Variants in NPAS3 observed in about 807,000 individuals in gnomAD.
NPAS3 encodes neuronal PAS domain protein 3.
NPAS3 carries 14 observed loss-of-function variants against 73.1 expected under a neutral mutation model. The ratio of observed to expected loss-of-function variants is 0.19; its 90% CI spans 0.13 to 0.30. The LOEUF is 0.30. Among genes scored for constraint, NPAS3 ranks in the 10% least tolerant of loss-of-function variants. The pLI is 1.00. For missense variants in NPAS3, 1,096 were observed against 1,250.0 expected, an observed-to-expected ratio of 0.88 and a Z score of 1.86; for synonymous variants, 620 against 541.5, an observed-to-expected ratio of 1.14 and a Z score of -2.01.
At chr14:33,466,272 A>G (rs905850752) in intron 4 of NPAS3, among the ~76,000 whole-genome samples, 2 of 152,220 alleles carry the variant, frequency 1.3e-5, no homozygotes, top group African/African-American at 4.8e-5. Flanking sequence ...ATTCTGCTGG[A>G]GACCCCTGTC....
At chr14:33,326,967 A>C (rs370290353) in intron 3 of NPAS3, among the ~76,000 whole-genome samples, 21 of 152,324 alleles carry the variant, frequency 1.4e-4, no homozygotes, top group African/African-American at 5.1e-4. Context: ...AAATGCCTGC[A>C]TTTCTGTAAT....
At position 33,594,471 on chromosome 14, in the gene NPAS3, A is replaced by G. The variant is rs553298985; in HGVS notation, c.558+34261A>G. 1.1e-4 allele frequency among the ~76,000 whole-genome samples: 16 copies of G among 152,198 alleles called. 1 individual carries two copies. The highest frequency in any genetic ancestry group is 5.9e-5 in the Non-Finnish European group (4 of 68,034). The stretch of plus-strand genomic sequence containing the variant: ...GTCTCAGGATCAGCTTCTTTCACAC[A>G]TTAATTACCTTATATTCTCCAGAAA... On this transcript the variant is annotated intron_variant, in intron 5 of 11. Transcript: ENST00000356141.
intron 2 of NPAS3, among the ~76,000 whole-genome samples, chr14:33,111,222 A>G (rs2042881693): frequency 6.6e-6 from 1 of 152,220 alleles, no homozygotes; most frequent in African/African-American, 2.4e-5. Flanking sequence ...CCTGTTAGCC[A>G]TGCAGTCTCT....
At chr14:33,123,842 GT>G (rs2043323691) in intron 2 of NPAS3, among the ~76,000 whole-genome samples, 2 of 144,770 alleles carry the variant, frequency 1.4e-5, no homozygotes, top group Admixed American at 7.2e-5. Flanking sequence ...TTTCTGTGAA[GT>G]TTTTTCTTTC....
intron 4 of NPAS3, among the ~76,000 whole-genome samples, chr14:33,438,276 A>G (rs969429035): frequency 2.6e-5 from 4 of 152,178 alleles, no homozygotes; most frequent in Non-Finnish European, 4.4e-5. Flanking sequence ...CTCTTACCCC[A>G]TTTTTATGTG....
chr14:33,630,967 T>C (rs553193353), intron 5 of NPAS3, among the ~76,000 whole-genome samples: 1 of 152,368 alleles, frequency 6.6e-6, no homozygotes, highest in South Asian at 2.1e-4. Flanking sequence ...TCTGAGACTA[T>C]TCTTTGTTTT....
chr14:33,583,910 G>A (rs1275105198), intron 5 of NPAS3, among the ~76,000 whole-genome samples: 1 of 152,168 alleles, frequency 6.6e-6, no homozygotes, highest in Non-Finnish European at 1.5e-5. Context: ...TTAACCTGGG[G>A]TCCATAGACC....
chr14:33,346,507 G>A lies in NPAS3; in HGVS notation c.386-20679G>A, dbSNP rs376976104. ...TGTGCTACTGCACTCTAGCCTGGAT[G>A]ACACAGTGAGACCCTGTCTCAAAAA... On this transcript the variant is annotated intron_variant, in intron 3 of 11. Transcript: ENST00000356141. Among the ~76,000 whole-genome samples, 49 of 115,952 alleles carry A rather than the reference G, an allele frequency of 4.2e-4. 1 individual carries two copies. Among genetic ancestry groups the A allele is most frequent in the African/African-American group, 1.7e-3 (48 of 28,452 alleles). 76.1% of individuals were successfully genotyped at this position (115,952 alleles called of 152,430 possible).
intron 6 of NPAS3, among the ~76,000 whole-genome samples, chr14:33,692,892 C>T (rs1006244889): frequency 7.4e-6 from 1 of 134,434 alleles, no homozygotes. Flanking sequence ...TAGACTTTAT[C>T]GTAGCAAAAT....
At chr14:33,760,357 C>G (rs926361389) in intron 7 of NPAS3, among the ~76,000 whole-genome samples, 2 of 152,206 alleles carry the variant, frequency 1.3e-5, no homozygotes, top group African/African-American at 4.8e-5. Flanking sequence ...CCCCCTTTAT[C>G]TGTCCTTTTC....
intron 3 of NPAS3, among the ~76,000 whole-genome samples, chr14:33,345,083 A>G (rs768288091): frequency 7.9e-5 from 12 of 152,170 alleles, no homozygotes; most frequent in Non-Finnish European, 1.8e-4. Context: ...GGTTAAGGGT[A>G]TTGTTAACAG....
intron 3 of NPAS3, among the ~76,000 whole-genome samples, chr14:33,257,084 G>T (rs2048804548): frequency 6.6e-6 from 1 of 152,060 alleles, no homozygotes; most frequent in Non-Finnish European, 1.5e-5. Flanking sequence ...CTTTCCCACT[G>T]GGCGCCACTC....
chr14:33,579,645 C>CT (rs147406882), intron 5 of NPAS3, among the ~76,000 whole-genome samples: 3,429 of 149,222 alleles, frequency 0.023, 116 homozygotes, highest in East Asian at 0.16. Flanking sequence ...AATTAGGGGT[C>CT]TTTTTTTTTT....
At chr14:33,312,000 G>A (rs1156505894) in intron 3 of NPAS3, among the ~76,000 whole-genome samples, 1 of 152,124 alleles carries the variant, frequency 6.6e-6, no homozygotes, top group African/African-American at 2.4e-5. Flanking sequence ...ATGTTCCAAA[G>A]ACTTCATTTT....
At chr14:33,152,811 G>A (rs762863311) in intron 2 of NPAS3, among the ~76,000 whole-genome samples, 2 of 151,830 alleles carry the variant, frequency 1.3e-5, no homozygotes, top group Non-Finnish European at 2.9e-5. Context: ...TTCATTCAAT[G>A]TGTTGGGTTC....
intron 6 of NPAS3, among the ~76,000 whole-genome samples, chr14:33,717,632 G>T (rs1411822286): frequency 6.6e-6 from 1 of 151,872 alleles, no homozygotes; most frequent in Non-Finnish European, 1.5e-5. Flanking sequence ...CCCAAGGAAG[G>T]ACCGTGAAAT....
rs149629143 is a variant in NPAS3 at position 33,572,805 on chromosome 14, A to G, written c.558+12595A>G. On this transcript the variant is annotated intron_variant, in intron 5 of 11. Coordinates refer to ENST00000356141, the Ensembl canonical transcript of NPAS3. ...TTTGGGAGGCCGAGGTGGGCGGATC[A>G]TGAGGTCAAGAGATCGAGACCAGCC... 0.014 allele frequency among the ~76,000 whole-genome samples: 2,190 copies of G among 152,186 alleles called. 140 individuals are homozygous for G. The East Asian group carries it at 0.22, about 15-fold the overall frequency.
At position 33,003,547 on chromosome 14, in the gene NPAS3, G is replaced by A. The variant is rs188013984; in HGVS notation, c.51-52358G>A. 6.0e-4 allele frequency among the ~76,000 whole-genome samples: 92 copies of A among 152,296 alleles called. 2 individuals are homozygous for A. Among genetic ancestry groups the A allele is most frequent in the African/African-American group, 1.9e-3 (81 of 41,560 alleles). Reference sequence around the variant, plus strand: ...AGATTTTTTTCTGTGTCCATGAAGGGATCTCTGGTAGGTGTCTAAATGAAG... The same window carrying A: ...AGATTTTTTTCTGTGTCCATGAAGGAATCTCTGGTAGGTGTCTAAATGAAG... On this transcript the variant is annotated intron_variant, in intron 1 of 11. Transcript: ENST00000356141.
chr14:33,711,227 T>C (rs1298443456), intron 6 of NPAS3, among the ~76,000 whole-genome samples: 3 of 152,374 alleles, frequency 2.0e-5, no homozygotes, highest in Middle Eastern at 6.8e-3. Context: ...TGTTTTAATA[T>C]ACAGAATGTC....
Sources: allele counts gnomAD v4.1 joint callset (sites outside exome capture counted in the v4.1 genomes callset), GRCh38; gene constraint gnomAD v4.1.1; transcripts MANE v1.5; gene names NCBI Gene and HGNC (gene_info 2026-07-23, HGNC 2026-07-21).